Variants in PRKAG2 observed in about 807,000 individuals in gnomAD.
PRKAG2 encodes 5'-AMP-activated protein kinase subunit gamma-2.
PRKAG2 carries 26 observed loss-of-function variants against 69.6 expected under a neutral mutation model. That is an observed-to-expected ratio of 0.37 (90% CI 0.27 to 0.52). PRKAG2 has a LOEUF of 0.52. Ranked by LOEUF, PRKAG2 falls within the 20% of genes least tolerant of loss-of-function variation. PRKAG2 has a pLI of 0.90. For synonymous variants in PRKAG2, 293 were observed against 285.0 expected (o/e 1.03, Z -0.28); for missense variants, 557 against 740.0 (o/e 0.75, Z 2.87).
At chr7:151,642,010 A>C (rs1182728719) in intron 4 of PRKAG2, among the ~76,000 whole-genome samples, 13 of 145,608 alleles carry the variant, frequency 8.9e-5, no homozygotes, top group Non-Finnish European at 1.1e-4. Context: ...CCTGGGCAAC[A>C]TAGGGAGACC....
At chr7:151,617,799 A>T (rs1304788822) in intron 5 of PRKAG2, among the ~76,000 whole-genome samples, 1 of 152,078 alleles carries the variant, frequency 6.6e-6, no homozygotes, top group Non-Finnish European at 1.5e-5. Flanking sequence ...AAAAACCCTG[A>T]CTCCTTATTC....
intron 1 of PRKAG2, among the ~76,000 whole-genome samples, chr7:151,842,306 T>G (rs1586705109): frequency 1.3e-5 from 1 of 74,206 alleles, no homozygotes; most frequent in Non-Finnish European, 2.7e-5. Flanking sequence ...GGGATGGTAG[T>G]GATGGTGGGG....
intron 1 of PRKAG2, among the ~76,000 whole-genome samples, chr7:151,839,012 C>T (rs74772545): frequency 3.7e-5 from 3 of 80,044 alleles, no homozygotes; most frequent in East Asian, 8.7e-4. Context: ...GAGACTGTCT[C>T]AAAAAAAAAA....
At chr7:151,595,122 AAC>A (rs1814141692) in intron 6 of PRKAG2, among the ~76,000 whole-genome samples, 1 of 152,132 alleles carries the variant, frequency 6.6e-6, no homozygotes, top group South Asian at 2.1e-4. Context: ...TAAGTTCTTA[AAC>A]TCTATAATTT....
At chr7:151,645,584 A>T (rs563995232) in intron 4 of PRKAG2, among the ~76,000 whole-genome samples, 14 of 152,286 alleles carry the variant, frequency 9.2e-5, no homozygotes, top group African/African-American at 2.4e-4. Flanking sequence ...AATGGGTTTT[A>T]AAAAAATGCA....
intron 1 of PRKAG2, chr7:151,806,398 G>A (rs2078103951): frequency 6.6e-6 from 1 of 152,452 alleles, no homozygotes; most frequent in Admixed American, 6.5e-5. Flanking sequence ...AACAATGGAG[G>A]CTCTCGCAGT....
At chr7:151,800,858 C>A (rs2077802511) in intron 1 of PRKAG2, among the ~76,000 whole-genome samples, 2 of 152,250 alleles carry the variant, frequency 1.3e-5, no homozygotes, top group African/African-American at 4.8e-5. Context: ...AATAAGGTAT[C>A]AACAGAAGCT....
intron 4 of PRKAG2, among the ~76,000 whole-genome samples, chr7:151,644,851 C>G (rs536507995): frequency 1.3e-5 from 2 of 152,132 alleles, no homozygotes; most frequent in South Asian, 2.1e-4. Context: ...GGTATGGTCT[C>G]TTAACATTTT....
intron 3 of PRKAG2, among the ~76,000 whole-genome samples, chr7:151,767,006 G>C (rs558823531): frequency 1.3e-5 from 2 of 152,332 alleles, no homozygotes; most frequent in Admixed American, 6.5e-5. Flanking sequence ...GGTTAGCTGA[G>C]ATGAGGGTTA....
chr7:151,642,442 C>T (rs564103581), intron 4 of PRKAG2, among the ~76,000 whole-genome samples: 57 of 152,290 alleles, frequency 3.7e-4, no homozygotes, highest in Admixed American at 1.1e-3. Flanking sequence ...GGTGGGAGGA[C>T]TGCTTGACTC....
At chr7:151,621,152 T>A (rs1043813474) in intron 5 of PRKAG2, among the ~76,000 whole-genome samples, 2 of 152,264 alleles carry the variant, frequency 1.3e-5, no homozygotes, top group Non-Finnish European at 2.9e-5. Context: ...GTAAGACTGA[T>A]CGCTTGTTTT....
At chr7:151,558,264 A>G (rs1353611400) in intron 15 of PRKAG2, 6 of 985,372 alleles carry the variant, frequency 6.1e-6, no homozygotes, top group African/African-American at 1.7e-5. Context: ...GATGAAAAGA[A>G]TCACCACTAG....
chr7:151,598,973 TCCCGA>T (rs1815324775), intron 5 of PRKAG2, among the ~76,000 whole-genome samples: 1 of 152,052 alleles, frequency 6.6e-6, no homozygotes, highest in Non-Finnish European at 1.5e-5. Flanking sequence ...TGCCTCAGCC[TCCCGA>T]GTAGCTGGGA....
At chr7:151,630,399 T>A (rs1461311822) in intron 5 of PRKAG2, among the ~76,000 whole-genome samples, 5 of 152,276 alleles carry the variant, frequency 3.3e-5, no homozygotes, top group Non-Finnish European at 7.3e-5. Flanking sequence ...CAATGCTTAA[T>A]GGCACTTAAG....
At chr7:151,675,823 C>CGGCCTCCAGGAAGGGA (rs1832850565) in intron 3 of PRKAG2, among the ~76,000 whole-genome samples, 186 bp from the exon 4 acceptor site, 1 of 152,136 alleles carries the variant, frequency 6.6e-6, no homozygotes, top group African/African-American at 2.4e-5. Flanking sequence ...GTCAGAGGTC[C>CGGCCTCCAGGAAGGGA]CGCCATGGCA....
intron 14 of PRKAG2, among the ~76,000 whole-genome samples, chr7:151,560,915 A>G (rs1018940823): frequency 1.3e-5 from 2 of 152,152 alleles, no homozygotes; most frequent in African/African-American, 4.8e-5. Flanking sequence ...CCTGTCTCAG[A>G]AAAAGAAAAA....
At chr7:151,820,272 C>T (rs1208561356) in intron 1 of PRKAG2, among the ~76,000 whole-genome samples, 1 of 152,262 alleles carries the variant, frequency 6.6e-6, no homozygotes, top group Non-Finnish European at 1.5e-5. Flanking sequence ...CAGGCTTAAG[C>T]ATCTGTCAGA....
intron 1 of PRKAG2, among the ~76,000 whole-genome samples, chr7:151,853,895 A>T (rs1331823294): frequency 1.3e-5 from 2 of 152,056 alleles, no homozygotes; most frequent in Non-Finnish European, 2.9e-5. Context: ...AGACCTTCTG[A>T]CCCCAAACCG....
rs10252820 is a variant in PRKAG2 at position 151,670,504 on chromosome 7, A to G, written c.684+4916T>C. Among the ~76,000 whole-genome samples, 737 of 152,318 alleles carry G rather than the reference A, an allele frequency of 4.8e-3. 3 individuals are homozygous for G. Among genetic ancestry groups the G allele is most frequent in the African/African-American group, 0.017 (705 of 41,558 alleles). ...ATAACCAGTTAGGGGATCACCCTAAAATGCACAGCTGATTATTGCTTTTCC... is the reference window on the plus strand; with the variant it reads ...ATAACCAGTTAGGGGATCACCCTAAGATGCACAGCTGATTATTGCTTTTCC... On this transcript the variant is annotated intron_variant, in intron 4 of 15. Coordinates refer to ENST00000287878, the MANE Select transcript of PRKAG2 (RefSeq NM_016203.4).
Sources: allele counts gnomAD v4.1 joint callset (sites outside exome capture counted in the v4.1 genomes callset), GRCh38; gene constraint gnomAD v4.1.1; transcripts MANE v1.5; gene names NCBI Gene and HGNC (gene_info 2026-07-23, HGNC 2026-07-21).